The following IGSF21 variants were observed in gnomAD, a reference collection of about 807,000 sequenced individuals.
The protein encoded by IGSF21 is immunoglobin superfamily member 21.
Under a neutral mutation model 46.8 loss-of-function variants are expected in IGSF21, and 28 were observed. The ratio of observed to expected loss-of-function variants is 0.60; its 90% CI spans 0.44 to 0.82. The LOEUF is 0.82. IGSF21 is among the 40% of genes least tolerant of loss of function. The pLI is 0.00. For missense variants in IGSF21, 624 were observed against 665.5 expected (o/e 0.94, Z 0.69); for synonymous variants, 284 against 273.6 (o/e 1.04, Z -0.38).
At chr1:18,148,201 T>A (rs1254437489) in intron 1 of IGSF21, among the ~76,000 whole-genome samples, 1 of 141,902 alleles carries the variant, frequency 7.0e-6, no homozygotes, top group Non-Finnish European at 1.5e-5. Context: ...CGCGATCTCA[T>A]CTCACTGCAA....
intron 2 of IGSF21, among the ~76,000 whole-genome samples, chr1:18,274,836 G>T (rs571639322): frequency 6.6e-6 from 1 of 152,274 alleles, no homozygotes; most frequent in South Asian, 2.1e-4. Context: ...GACCTGCCTG[G>T]CCAACACGGT....
chr1:18,151,277 AT>A (rs2086519835), intron 1 of IGSF21, among the ~76,000 whole-genome samples: 1 of 152,206 alleles, frequency 6.6e-6, no homozygotes, highest in East Asian at 1.9e-4. Context: ...GTAAAAGTGT[AT>A]TTTTTGTTCA....
At chr1:18,163,188 C>A (rs140960719) in intron 1 of IGSF21, among the ~76,000 whole-genome samples, 6 of 151,778 alleles carry the variant, frequency 4.0e-5, no homozygotes, top group African/African-American at 1.2e-4. Context: ...GTTTCCTAAA[C>A]TATAAAGGGA....
intron 1 of IGSF21, among the ~76,000 whole-genome samples, chr1:18,174,710 C>T (rs1402423412): frequency 5.9e-5 from 9 of 152,258 alleles, no homozygotes; most frequent in South Asian, 2.1e-4. Context: ...CTGAGGCTCA[C>T]GTCTGTTCGA....
At chr1:18,317,069 C>G (rs1209799275) in intron 3 of IGSF21, among the ~76,000 whole-genome samples, 1 of 152,208 alleles carries the variant, frequency 6.6e-6, no homozygotes, top group Non-Finnish European at 1.5e-5. Flanking sequence ...GTCACGTAAT[C>G]TGACTGTACC....
At chr1:18,123,168 A>G (rs944222989) in intron 1 of IGSF21, among the ~76,000 whole-genome samples, 1 of 152,170 alleles carries the variant, frequency 6.6e-6, no homozygotes, top group African/African-American at 2.4e-5. Context: ...GGATGATCCC[A>G]TTCTAAGATT....
intron 1 of IGSF21, among the ~76,000 whole-genome samples, chr1:18,121,763 T>C (rs2086235948): frequency 6.6e-6 from 1 of 151,954 alleles, no homozygotes; most frequent in Non-Finnish European, 1.5e-5. Flanking sequence ...GGGACAAATA[T>C]GCCTTAGGGG....
intron 1 of IGSF21, among the ~76,000 whole-genome samples, chr1:18,178,494 A>C (rs1214502530): frequency 6.6e-6 from 1 of 152,248 alleles, no homozygotes; most frequent in Non-Finnish European, 1.5e-5. Context: ...ATAATACTGC[A>C]GAACTATTAG....
intron 1 of IGSF21, among the ~76,000 whole-genome samples, chr1:18,172,177 G>A (rs1218941401): frequency 2.6e-5 from 4 of 152,178 alleles, no homozygotes; most frequent in African/African-American, 9.7e-5. Flanking sequence ...CTTCTTATGT[G>A]AGAGAATAAT....
intron 6 of IGSF21, among the ~76,000 whole-genome samples, chr1:18,367,603 C>CTTTTTTTTTTT (rs35019096): frequency 0.043 from 3,173 of 73,896 alleles, 438 homozygotes; most frequent in Admixed American, 0.07. Flanking sequence ...CTCTCTCTCT[C>CTTTTTTTTTTT]TTTTTTTTTT....
chr1:18,289,667 G>A (rs549281159), intron 2 of IGSF21, among the ~76,000 whole-genome samples: 1 of 152,206 alleles, frequency 6.6e-6, no homozygotes, highest in African/African-American at 2.4e-5. Flanking sequence ...TTCTTGGGAG[G>A]GGGGCAAGGG....
At chr1:18,140,976 A>G (rs1284724831) in intron 1 of IGSF21, among the ~76,000 whole-genome samples, 3 of 152,164 alleles carry the variant, frequency 2.0e-5, no homozygotes, top group Non-Finnish European at 4.4e-5. Context: ...GTGTCTGCAC[A>G]CAGGAACCCA....
In IGSF21 at chr1:18,187,501, G is replaced by A. The variant is rs2124473639; in HGVS notation, c.71-40397G>A. Among the ~76,000 whole-genome samples the A allele has an allele frequency of 2.0e-5, 3 of 152,244 alleles. No homozygotes were observed. In the South Asian group the frequency reaches 6.2e-4, roughly 32 times the overall value. On this transcript the variant is annotated intron_variant, in intron 1 of 9. Transcript: ENST00000251296. ...AGAATCAGAGAGCCAAGCAAAAGGA[G>A]TTTCCCCTTATAAAACCGTCAAATT...
chr1:18,311,701 G>A (rs1328713673), intron 3 of IGSF21, among the ~76,000 whole-genome samples: 1 of 152,180 alleles, frequency 6.6e-6, no homozygotes, highest in African/African-American at 2.4e-5. Flanking sequence ...TCACAATCAT[G>A]GCAGAAGGCT....
At position 18,275,509 on chromosome 1, in the gene IGSF21, C is replaced by T. The variant is rs149600684; in HGVS notation, c.184-16357C>T. ...GACATGCAGCAGCCATAAGAAGACACATGGCAGTTTAATGGGACCCTCTCT... is the reference window on the plus strand; with the variant it reads ...GACATGCAGCAGCCATAAGAAGACATATGGCAGTTTAATGGGACCCTCTCT... On this transcript the variant is annotated intron_variant, in intron 2 of 9. Transcript: ENST00000251296. 5.1e-3 allele frequency among the ~76,000 whole-genome samples: 783 copies of T among 152,246 alleles called. 23 individuals are homozygous for T. Among genetic ancestry groups the T allele is most frequent in the Admixed American group, 0.039 (591 of 15,288 alleles).
chr1:18,235,902 G>A (rs2084668569), intron 2 of IGSF21, among the ~76,000 whole-genome samples: 1 of 152,190 alleles, frequency 6.6e-6, no homozygotes, highest in Admixed American at 6.5e-5. Flanking sequence ...TGACTACCAG[G>A]ATGGTGGTAG....
chr1:18,375,081 C>T (rs1447885532), intron 6 of IGSF21, among the ~76,000 whole-genome samples: 1 of 152,164 alleles, frequency 6.6e-6, no homozygotes, highest in Non-Finnish European at 1.5e-5. Flanking sequence ...GCACCCTGAC[C>T]ACTATCTGAG....
At chr1:18,345,760 C>G (rs72652211) in intron 4 of IGSF21, among the ~76,000 whole-genome samples, 78 of 152,288 alleles carry the variant, frequency 5.1e-4, no homozygotes, top group Non-Finnish European at 9.8e-4. Context: ...TTTATAACAG[C>G]CTTCTAAGGT....
chr1:18,108,691 A>G (rs2086114382), intron 1 of IGSF21, among the ~76,000 whole-genome samples: 2 of 151,412 alleles, frequency 1.3e-5, no homozygotes, highest in African/African-American at 4.9e-5. Context: ...AGCTTGTGTC[A>G]CTGTGGGTGT....
Sources: gnomAD v4.1 joint callset for allele counts (sites outside exome capture counted in the v4.1 genomes callset) on GRCh38, gnomAD v4.1.1 for gene constraint, MANE v1.5 for transcripts, NCBI Gene and HGNC (gene_info 2026-07-23, HGNC 2026-07-21) for gene names.